ACSL4: variants seen among roughly 807,000 people sequenced by gnomAD.
The protein encoded by ACSL4 is long-chain-fatty-acid--CoA ligase 4.
ACSL4 carries 9 observed loss-of-function variants against 49.1 expected under a neutral mutation model. The ratio of observed to expected loss-of-function variants is 0.18; its 90% confidence interval spans 0.11 to 0.32. ACSL4 has a LOEUF of 0.32. Among genes scored for constraint, ACSL4 ranks in the 10% least tolerant of loss-of-function variants. The pLI is 1.00. For missense variants in ACSL4, 333 were observed against 493.7 expected (o/e 0.67, Z 3.08); for synonymous variants, 191 against 170.3 (o/e 1.12, Z -0.95).
At chrX:109,698,611 C>A (rs1404985808) in intron 1 of ACSL4, among the ~76,000 whole-genome samples, 2 of 110,515 alleles carry the variant, frequency 1.8e-5, no homozygotes, top group Non-Finnish European at 3.8e-5. Context: ...CTAACAGTAA[C>A]CTGGTGGCAT....
intron 6 of ACSL4, 76 bp from the exon 7 acceptor site, chrX:109,678,491 G>C: frequency 9.0e-7 from 1 of 1,116,399 alleles, no homozygotes; most frequent in Non-Finnish European, 1.2e-6. Flanking sequence ...AGGATATTTA[G>C]ATTTTGCATA....
rs1199118282 is a variant in ACSL4 at position 109,643,941 on chromosome X, T to C, written c.*88A>G. On this transcript the variant is annotated 3_prime_UTR_variant, in exon 16 of 16. Coordinates refer to ENST00000672401, the MANE Select transcript of ACSL4 (RefSeq NM_001318510.2). ...TATCTTTAGAATGATATACCTTACA[T>C]TCTAACAGTTCAACAAAGGCTTAAA... is the stretch of plus-strand genomic sequence containing the variant. 4.9e-6 allele frequency: 5 copies of C among 1,011,929 alleles called. No individual in the cohort carries two copies. The highest frequency in any genetic ancestry group is 5.6e-6 in the Non-Finnish European group (4 of 716,581). 83.4% of individuals were successfully genotyped at this position (1,011,929 alleles called of 1,213,427 possible).
chrX:109,663,503 T>C, intron 12 of ACSL4, 101 bp from the exon 13 acceptor site: 1 of 736,715 alleles, frequency 1.4e-6, no homozygotes, highest in Non-Finnish European at 2.1e-6. Context: ...TCAGATTTTA[T>C]ATCACTTTAT....
chrX:109,698,739 G>A (rs1260521571), intron 1 of ACSL4, among the ~76,000 whole-genome samples: 2 of 111,719 alleles, frequency 1.8e-5, no homozygotes, highest in African/African-American at 6.5e-5. Flanking sequence ...CAAAGTCCAC[G>A]CAGCTAATAG....
At chrX:109,708,843 T>C (rs1926550230) in intron 1 of ACSL4, among the ~76,000 whole-genome samples, 1 of 111,965 alleles carries the variant, frequency 8.9e-6, no homozygotes, top group African/African-American at 3.2e-5. Flanking sequence ...AATGCAAATA[T>C]TCCAAAACCT....
chrX:109,688,960 G>A (rs1259992694), intron 2 of ACSL4, among the ~76,000 whole-genome samples: 3 of 110,035 alleles, frequency 2.7e-5, no homozygotes, highest in Non-Finnish European at 5.7e-5. Context: ...CTGGAAGTCT[G>A]CCTTAAACAC....
intron 11 of ACSL4, among the ~76,000 whole-genome samples, chrX:109,667,417 A>G (rs1473675043): frequency 8.9e-6 from 1 of 112,643 alleles, no homozygotes; most frequent in Admixed American, 9.4e-5. Flanking sequence ...ACCTCGCTTC[A>G]GGCTGTTGAA....
intron 9 of ACSL4, among the ~76,000 whole-genome samples, chrX:109,673,729 A>C (rs1923456678): frequency 8.9e-6 from 1 of 112,171 alleles, no homozygotes; most frequent in South Asian, 3.7e-4. Context: ...TAAGATTTCA[A>C]GTCTGATCAT....
intron 1 of ACSL4, among the ~76,000 whole-genome samples, chrX:109,722,648 A>C (rs1013998825): frequency 2.7e-5 from 3 of 111,577 alleles, no homozygotes; most frequent in African/African-American, 9.8e-5. Context: ...TCAACATTAA[A>C]GACTTTAAAA....
At chrX:109,715,731 A>C (rs1927080104) in intron 1 of ACSL4, among the ~76,000 whole-genome samples, 1 of 111,881 alleles carries the variant, frequency 8.9e-6, no homozygotes, top group Non-Finnish European at 1.9e-5. Flanking sequence ...TTAAAAATCT[A>C]AACAAAAGTA....
At chrX:109,673,463 C>T (rs1366888921) in intron 9 of ACSL4, among the ~76,000 whole-genome samples, 1 of 112,405 alleles carries the variant, frequency 8.9e-6, no homozygotes, top group African/African-American at 3.2e-5. Context: ...TTATTAGCAA[C>T]TTTTTTATGG....
At chrX:109,725,715 G>C (rs1016225115) in intron 1 of ACSL4, among the ~76,000 whole-genome samples, 2 of 110,623 alleles carry the variant, frequency 1.8e-5, no homozygotes, top group Non-Finnish European at 3.8e-5. Context: ...ACTCCAGCCT[G>C]GGCAAAAGAG....
At chrX:109,680,577 T>C (rs1326161839) in intron 6 of ACSL4, among the ~76,000 whole-genome samples, 1 of 112,635 alleles carries the variant, frequency 8.9e-6, no homozygotes, top group Admixed American at 9.4e-5. Context: ...AATCCAAGCA[T>C]TAATCTTGGT....
intron 1 of ACSL4, among the ~76,000 whole-genome samples, chrX:109,703,352 A>G (rs1926104948): frequency 8.9e-6 from 1 of 112,046 alleles, no homozygotes; most frequent in Non-Finnish European, 1.9e-5. Context: ...TTTAGTTTTT[A>G]TAATTGTACT....
chrX:109,659,224 C>T (rs1367423556), intron 15 of ACSL4, 130 bp downstream of exon 15: 3 of 604,745 alleles, frequency 5.0e-6, no homozygotes, highest in Non-Finnish European at 5.3e-6. Context: ...ATCCATTATA[C>T]ATATTTAAGA....
At chrX:109,658,743 G>C (rs1235302711) in intron 15 of ACSL4, among the ~76,000 whole-genome samples, 1 of 111,553 alleles carries the variant, frequency 9.0e-6, no homozygotes, top group Non-Finnish European at 1.9e-5. Flanking sequence ...GTCCTCCCAA[G>C]TAGGTTAGGT....
intron 1 of ACSL4, among the ~76,000 whole-genome samples, chrX:109,700,537 A>T (rs1289457800): frequency 1.9e-5 from 2 of 105,849 alleles, no homozygotes; most frequent in Non-Finnish European, 3.9e-5. Flanking sequence ...ACTCTGTCTC[A>T]TAAAAAAAAA....
intron 2 of ACSL4, among the ~76,000 whole-genome samples, chrX:109,685,016 A>T (rs1924475789): frequency 9.0e-6 from 1 of 110,565 alleles, no homozygotes; most frequent in African/African-American, 3.3e-5. Context: ...GGGCTGCTGC[A>T]GGTTAGAAAA....
At chrX:109,667,602 T>C (rs1922774953) in intron 11 of ACSL4, among the ~76,000 whole-genome samples, 1 of 112,329 alleles carries the variant, frequency 8.9e-6, no homozygotes, top group Admixed American at 9.4e-5. Context: ...GTGGCATAAA[T>C]ATTTATAAGG....
Sources: gnomAD v4.1 joint callset for allele counts (sites outside exome capture counted in the v4.1 genomes callset) on GRCh38, gnomAD v4.1.1 for gene constraint, MANE v1.5 for transcripts, NCBI Gene and HGNC (gene_info 2026-07-23, HGNC 2026-07-21) for gene names.